ST6GALNAC5: variants seen among roughly 807,000 people sequenced by gnomAD.
ST6GALNAC5 encodes the protein ST6 N-acetylgalactosaminide alpha-2,6-sialyltransferase 5.
In ST6GALNAC5, 27 loss-of-function variants were observed where a neutral mutation model predicts 33.6. That is an observed-to-expected ratio of 0.80 (90% CI 0.59 to 1.11). The LOEUF (loss-of-function observed/expected upper bound fraction) is 1.11. Among genes scored for constraint, ST6GALNAC5 ranks in the 50% least tolerant of loss-of-function variants. The pLI is 0.00. For missense variants in ST6GALNAC5, 428 were observed against 454.0 expected (o/e 0.94, Z 0.52); for synonymous variants, 194 against 171.2 (o/e 1.13, Z -1.04).
At chr1:76,917,169 C>T (rs1646984304) in intron 2 of ST6GALNAC5, among the ~76,000 whole-genome samples, 1 of 152,080 alleles carries the variant, frequency 6.6e-6, no homozygotes, top group South Asian at 2.1e-4. Context: ...AGTTTTTATG[C>T]ACCTACTTTA....
At chr1:76,950,560 T>C (rs1328102020) in intron 2 of ST6GALNAC5, among the ~76,000 whole-genome samples, 1 of 152,028 alleles carries the variant, frequency 6.6e-6, no homozygotes, top group Non-Finnish European at 1.5e-5. Context: ...CTCAAGGAGA[T>C]GATAGTAATG....
rs1256960081 is a variant in ST6GALNAC5, at chr1:77,044,526, T to G, written c.584T>G (p.Val195Gly). 1 of 1,610,944 alleles carries G rather than the reference T, an allele frequency of 6.2e-7. No individual in the cohort carries two copies. The highest frequency in any genetic ancestry group is 8.5e-7 in the Non-Finnish European group (1 of 1,178,304). Residue 195 changes from valine to glycine, a missense_variant, in exon 3 of 5, where the codon GTG becomes GGG. Transcript: ENST00000477717. ...AACAACCTGCATCTCCTGAGCCAGG[T>G]GCTGCCCCGGCTGAAGGCCTTCATG... ...VYNNLHLLSQ[V>G]LPRLKAFMIT... is the part of the protein sequence containing the mutation.
At chr1:77,028,217 A>G (rs1001453481) in intron 2 of ST6GALNAC5, among the ~76,000 whole-genome samples, 1 of 152,242 alleles carries the variant, frequency 6.6e-6, no homozygotes, top group African/African-American at 2.4e-5. Flanking sequence ...AACAAGCACA[A>G]AAGAAGAATG....
intron 2 of ST6GALNAC5, among the ~76,000 whole-genome samples, chr1:76,889,605 A>G (rs191817071): frequency 3.5e-4 from 53 of 152,216 alleles, no homozygotes; most frequent in African/African-American, 1.2e-3. Context: ...AAATGTCATT[A>G]CTTTTTAGAT....
At chr1:76,887,656 C>T (rs534586628) in intron 2 of ST6GALNAC5, among the ~76,000 whole-genome samples, 31 of 152,116 alleles carry the variant, frequency 2.0e-4, no homozygotes, top group Admixed American at 4.6e-4. Context: ...CTCATCTGAC[C>T]GATTCCAGTT....
rs1168636956 is a variant in ST6GALNAC5 at position 77,064,300 on chromosome 1, C to G, written c.*1094C>G. ...CTACATTCATATTACTTATATCACTCTTGTGGTTAAAACTACACTTCTTCC... is the reference window on the plus strand; with the variant it reads ...CTACATTCATATTACTTATATCACTGTTGTGGTTAAAACTACACTTCTTCC... On this transcript the variant is annotated 3_prime_UTR_variant, in exon 5 of 5. Coordinates refer to ENST00000477717, the MANE Select transcript of ST6GALNAC5 (RefSeq NM_030965.3). 6.6e-6 allele frequency: 1 copy of G among 152,078 alleles called. No individual in the cohort carries two copies. Among genetic ancestry groups the G allele is most frequent in the East Asian group, 1.9e-4 (1 of 5,176 alleles). 9.4% of individuals were successfully genotyped at this position (152,078 alleles called of 1,614,324 possible). A position where few individuals can be genotyped will look rare whatever the true frequency, so the allele number is the denominator to read the frequency against.
intron 2 of ST6GALNAC5, among the ~76,000 whole-genome samples, chr1:77,037,337 G>C (rs1222531602): frequency 6.6e-6 from 1 of 152,122 alleles, no homozygotes; most frequent in Non-Finnish European, 1.5e-5. Context: ...CTTATAAGTG[G>C]GAACTAAGCA....
Position 76,868,085 on chromosome 1 carries a change from T to TGCAAGGATC in ST6GALNAC5, c.16-402_16-394dup, listed in dbSNP as rs1170469647. On this transcript the variant is annotated intron_variant, in intron 1 of 4. Transcript: ENST00000477717. The surrounding 1 kb of genome is among the most constrained non-coding windows in gnomAD (Gnocchi z 4.3). ...TCTTCGTTTTCTTAGATTTCAAACT[T>TGCAAGGATC]GCAAGGATCGCAAGGATCCAGGGCC... Among the ~76,000 whole-genome samples, 2 of 152,128 alleles carry TGCAAGGATC rather than the reference T, an allele frequency of 1.3e-5. No homozygotes were observed. The highest frequency in any genetic ancestry group is 2.4e-5 in the African/African-American group (1 of 41,434).
intron 2 of ST6GALNAC5, among the ~76,000 whole-genome samples, chr1:77,025,922 C>T (rs1179695395): frequency 2.6e-5 from 4 of 152,162 alleles, no homozygotes; most frequent in Non-Finnish European, 5.9e-5. Flanking sequence ...TCACAAAGCT[C>T]ACATACATAG....
In ST6GALNAC5 at chr1:76,912,668, C is replaced by G. The variant is rs550880645; in HGVS notation, c.261+43926C>G. On this transcript the variant is annotated intron_variant, in intron 2 of 4. Coordinates refer to ENST00000477717, the MANE Select transcript of ST6GALNAC5 (RefSeq NM_030965.3). ...TCTTCTTGTTGAATTGATCCCTTTACCATTATGTAATGGCCTTCTTTGTCT... is the reference window on the plus strand; with the variant it reads ...TCTTCTTGTTGAATTGATCCCTTTAGCATTATGTAATGGCCTTCTTTGTCT... Among the ~76,000 whole-genome samples the G allele has an allele frequency of 5.3e-4, 80 of 150,680 alleles. 1 individual carries two copies. Among genetic ancestry groups the G allele is most frequent in the African/African-American group, 1.7e-3 (72 of 41,202 alleles).
At chr1:76,947,301 G>A (rs1023494388) in intron 2 of ST6GALNAC5, among the ~76,000 whole-genome samples, 3 of 152,078 alleles carry the variant, frequency 2.0e-5, no homozygotes, top group African/African-American at 7.2e-5. Flanking sequence ...TAAGTAATTA[G>A]AAATGACGGA....
chr1:77,033,399 A>C (rs1227101103), intron 2 of ST6GALNAC5, among the ~76,000 whole-genome samples: 1 of 152,234 alleles, frequency 6.6e-6, no homozygotes, highest in Non-Finnish European at 1.5e-5. Context: ...TAAATCATTA[A>C]AGATTTTGAT....
At chr1:76,888,818 G>A (rs1045545325) in intron 2 of ST6GALNAC5, among the ~76,000 whole-genome samples, 2 of 151,894 alleles carry the variant, frequency 1.3e-5, no homozygotes, top group Non-Finnish European at 2.9e-5. Flanking sequence ...TATTTATTGT[G>A]TACAGCATGA....
intron 2 of ST6GALNAC5, among the ~76,000 whole-genome samples, chr1:76,893,941 G>T (rs1654068108): frequency 6.6e-6 from 1 of 152,210 alleles, no homozygotes; most frequent in Non-Finnish European, 1.5e-5. Flanking sequence ...TTACAGGAAT[G>T]AGCCACCGCG....
At chr1:76,878,111 C>G (rs1653689649) in intron 2 of ST6GALNAC5, among the ~76,000 whole-genome samples, 1 of 152,114 alleles carries the variant, frequency 6.6e-6, no homozygotes, top group African/African-American at 2.4e-5. Context: ...GACTCACCAC[C>G]TCTGCATCTT....
At chr1:77,022,479 G>A (rs536697710) in intron 2 of ST6GALNAC5, among the ~76,000 whole-genome samples, 1 of 152,276 alleles carries the variant, frequency 6.6e-6, no homozygotes, top group South Asian at 2.1e-4. Context: ...GAAGGCTTGT[G>A]TCCAGAAAAT....
intron 2 of ST6GALNAC5, among the ~76,000 whole-genome samples, chr1:77,038,005 T>C (rs1485742236): frequency 6.6e-6 from 1 of 152,188 alleles, no homozygotes; most frequent in African/African-American, 2.4e-5. Flanking sequence ...GTGTCATAGA[T>C]GAAAAATGGG....
chr1:77,022,418 A>G (rs1473223109), intron 2 of ST6GALNAC5, among the ~76,000 whole-genome samples: 1 of 152,228 alleles, frequency 6.6e-6, no homozygotes, highest in Non-Finnish European at 1.5e-5. Flanking sequence ...GAAAGCCAAT[A>G]TAATGCAGTA....
intron 2 of ST6GALNAC5, among the ~76,000 whole-genome samples, chr1:76,927,227 C>T (rs1488004506): frequency 6.6e-6 from 1 of 151,892 alleles, no homozygotes; most frequent in African/African-American, 2.4e-5. Context: ...TATTGTATTG[C>T]TTTTGTTTTT....
Sources: gnomAD v4.1 joint callset for allele counts (sites outside exome capture counted in the v4.1 genomes callset) on GRCh38, gnomAD v4.1.1 for gene constraint, Gnocchi (gnomAD v3.1) non-coding constraint, MANE v1.5 for transcripts, NCBI Gene and HGNC (gene_info 2026-07-23, HGNC 2026-07-21) for gene names.